NAALADL2: variants seen among roughly 807,000 people sequenced by gnomAD.
NAALADL2 encodes the protein inactive N-acetylated-alpha-linked acidic dipeptidase-like protein 2.
A neutral mutation model predicts 87.2 loss-of-function variants in NAALADL2; 76 were observed. The observed-to-expected ratio is 0.87, with a 90% CI of 0.72 to 1.05. NAALADL2 has a LOEUF of 1.05. NAALADL2 is among the 50% of genes least tolerant of loss of function. The probability of loss-of-function intolerance (pLI) is 0.00; values close to 1 mark genes in which losing one functional copy is unlikely to be tolerated. For missense variants in NAALADL2, 1,089 were observed against 945.8 expected, an observed-to-expected ratio of 1.15 and a Z score of -1.99; for synonymous variants, 354 against 331.0, an observed-to-expected ratio of 1.07 and a Z score of -0.75.
intron 2 of NAALADL2, among the ~76,000 whole-genome samples, chr3:175,130,520 C>T (rs1186228138): frequency 2.0e-5 from 3 of 152,110 alleles, no homozygotes; most frequent in African/African-American, 4.8e-5. Context: ...GACTTTGGTA[C>T]GTGGTGTAAG....
rs370583572 is a variant in NAALADL2, at chr3:174,623,346, A to G, written c.-115+72709A>G. 5.3e-5 allele frequency among the ~76,000 whole-genome samples: 8 copies of G among 152,190 alleles called. No individual in the cohort carries two copies. In the South Asian group the frequency reaches 1.2e-3, roughly 24 times the overall value. ...TTATGATTTAATACTGCACCTTTAC[A>G]TTTGTTTACATTTCTCTGACTGCCA... is the stretch of plus-strand genomic sequence containing the variant. On this transcript the variant is annotated intron_variant, in intron 2 of 3. Coordinates refer to the NAALADL2 transcript ENST00000434257.
At chr3:175,098,306 TCATTCAGGACC>T (rs1721500845) in intron 2 of NAALADL2, among the ~76,000 whole-genome samples, 1 of 152,158 alleles carries the variant, frequency 6.6e-6, no homozygotes, top group South Asian at 2.1e-4. Context: ...AATGATTGTA[TCATTCAGGACC>T]CAGTGAAGAT....
chr3:174,556,007 GT>G (rs1712764129), intron 2 of NAALADL2, among the ~76,000 whole-genome samples: 6 of 80,180 alleles, frequency 7.5e-5, no homozygotes, highest in Non-Finnish European at 2.6e-5. Flanking sequence ...GTGTGTGTGT[GT>G]GCGCGCACGT....
chr3:175,309,882 G>A (rs1381996274), intron 4 of NAALADL2, among the ~76,000 whole-genome samples: 1 of 152,096 alleles, frequency 6.6e-6, no homozygotes, highest in East Asian at 1.9e-4. Flanking sequence ...TTTTATGAAT[G>A]AACTTCAGAG....
chr3:175,368,924 G>A (rs1405819883), intron 5 of NAALADL2, among the ~76,000 whole-genome samples: 1 of 152,068 alleles, frequency 6.6e-6, no homozygotes, highest in African/African-American at 2.4e-5. Context: ...TGCCACCCCT[G>A]TATAGGGCAC....
At chr3:174,620,796 A>G (rs1458417494) in intron 2 of NAALADL2, among the ~76,000 whole-genome samples, 1 of 152,124 alleles carries the variant, frequency 6.6e-6, no homozygotes, top group Non-Finnish European at 1.5e-5. Context: ...AGATATTCAA[A>G]TAAATCTCAT....
intron 6 of NAALADL2, among the ~76,000 whole-genome samples, chr3:175,457,685 A>ATTTTTTTTT (rs763515080): frequency 3.0e-5 from 4 of 131,468 alleles, no homozygotes; most frequent in African/African-American, 1.1e-4. Context: ...TGTCTGGCTA[A>ATTTTTTTTT]TTTTTTTTTT....
At chr3:175,460,837 C>T (rs1257378650) in intron 6 of NAALADL2, among the ~76,000 whole-genome samples, 3 of 152,026 alleles carry the variant, frequency 2.0e-5, no homozygotes, top group Non-Finnish European at 2.9e-5. Flanking sequence ...TGTTGCAGAC[C>T]CAAAGAGTGC....
chr3:175,620,582 G>A (rs1251163849), intron 10 of NAALADL2, among the ~76,000 whole-genome samples: 1 of 152,150 alleles, frequency 6.6e-6, no homozygotes, highest in Non-Finnish European at 1.5e-5. Context: ...CAGGCAGAAA[G>A]GAGTAACACT....
chr3:174,562,718 G>A (rs1713776377), intron 2 of NAALADL2, among the ~76,000 whole-genome samples: 1 of 151,758 alleles, frequency 6.6e-6, no homozygotes, highest in South Asian at 2.1e-4. Flanking sequence ...ATTATGACAG[G>A]AGCATACAAT....
chr3:175,324,664 C>G (rs1760458515), intron 5 of NAALADL2, among the ~76,000 whole-genome samples: 1 of 152,112 alleles, frequency 6.6e-6, no homozygotes. Context: ...TGTACAGATA[C>G]CCAGGAGCAT....
intron 5 of NAALADL2, among the ~76,000 whole-genome samples, chr3:175,436,792 T>C (rs550280437): frequency 1.8e-4 from 13 of 71,950 alleles, no homozygotes; most frequent in South Asian, 5.2e-4. Flanking sequence ...TTCTCCCATT[T>C]TGTAGGTTGC....
chr3:175,531,319 C>T (rs1204356854), intron 9 of NAALADL2, among the ~76,000 whole-genome samples: 1 of 152,100 alleles, frequency 6.6e-6, no homozygotes. Flanking sequence ...CAGCTTATCC[C>T]TCACCTTAGA....
chr3:175,384,933 T>C (rs1382511169), intron 5 of NAALADL2, among the ~76,000 whole-genome samples: 1 of 151,948 alleles, frequency 6.6e-6, no homozygotes, highest in Non-Finnish European at 1.5e-5. Context: ...AAAAGTAAAA[T>C]AATGAGCTGC....
In NAALADL2 at chr3:175,403,104, C is replaced by G. The variant is rs538814759; in HGVS notation, c.1091-44125C>G. 1.2e-4 allele frequency among the ~76,000 whole-genome samples: 18 copies of G among 151,992 alleles called. No individual in the cohort carries two copies. The Middle Eastern group carries it at 0.01, about 86-fold the overall frequency. On this transcript the variant is annotated intron_variant, in intron 5 of 13. Coordinates refer to ENST00000454872, the MANE Select transcript of NAALADL2 (RefSeq NM_207015.3). ...GTGTGTGTCCTCAGAATGCTGAATG[C>G]GAGAAGGATAAGCAGAGGTTTGGTG...
intron 1 of NAALADL2, among the ~76,000 whole-genome samples, chr3:174,497,443 A>T (rs1049944983): frequency 1.3e-5 from 2 of 150,990 alleles, no homozygotes; most frequent in African/African-American, 4.9e-5. Context: ...AGCCTGGGCA[A>T]CATAGCAAGA....
At chr3:175,010,259 A>C (rs1449025414) in intron 1 of NAALADL2, among the ~76,000 whole-genome samples, 2 of 152,184 alleles carry the variant, frequency 1.3e-5, no homozygotes, top group Non-Finnish European at 2.9e-5. Flanking sequence ...AGTAAAATTT[A>C]AATAACAGCC....
intron 4 of NAALADL2, among the ~76,000 whole-genome samples, chr3:175,259,870 A>T (rs1477567119): frequency 6.6e-6 from 1 of 152,140 alleles, no homozygotes; most frequent in African/African-American, 2.4e-5. Flanking sequence ...TCTACCAAAA[A>T]TTCAAAAATT....
At chr3:174,725,809 G>C (rs1732126564) in intron 2 of NAALADL2, among the ~76,000 whole-genome samples, 1 of 152,172 alleles carries the variant, frequency 6.6e-6, no homozygotes, top group African/African-American at 2.4e-5. Flanking sequence ...AGAGCCATCA[G>C]TAATCAACCT....
Sources: allele counts gnomAD v4.1 joint callset (sites outside exome capture counted in the v4.1 genomes callset), GRCh38; gene constraint gnomAD v4.1.1; transcripts MANE v1.5; gene names NCBI Gene and HGNC (gene_info 2026-07-23, HGNC 2026-07-21).